The following LMAN2 variants were observed in gnomAD, a reference collection of about 807,000 sequenced individuals.
LMAN2 encodes the protein vesicular integral-membrane protein VIP36.
A neutral mutation model predicts 39.3 loss-of-function variants in LMAN2; 22 were observed. The observed-to-expected ratio is 0.56, with a 90% CI of 0.40 to 0.80. The LOEUF is 0.80. LMAN2 is among the 30% of genes least tolerant of loss of function. The probability of loss-of-function intolerance (pLI) is 0.00; values close to 1 mark genes in which losing one functional copy is unlikely to be tolerated. For missense variants in LMAN2, 494 were observed against 505.4 expected, an observed-to-expected ratio of 0.98 and a Z score of 0.22; for synonymous variants, 207 against 207.8, an observed-to-expected ratio of 1.00 and a Z score of 0.03.
rs763006468 is a variant in LMAN2, at chr5:177,337,429, C to T, written c.609G>A (p.Thr203=). The T allele has an allele frequency of 2.3e-5, 37 of 1,613,486 alleles. No homozygotes were observed. The highest frequency in any genetic ancestry group is 3.3e-5 in the South Asian group (3 of 91,086). The part of the protein sequence containing the change: ...DGRWTELAGC[T]ADFRNRDHDT... ...CGTGATCGCGGTTGCGGAAGTCAGC[C>T]GTGCAGCCCGCCAGCTCGGTCCAGC... Residue 203 remains threonine (T), a synonymous_variant, in exon 5 of 8, where the codon ACG becomes ACA. Coordinates refer to ENST00000303127, the MANE Select transcript of LMAN2 (RefSeq NM_006816.3). This position sits in a 1 kb window ranked among gnomAD's most constrained non-coding sequence, Gnocchi z 8.2.
rs139644514 is a variant in LMAN2 at position 177,336,834 on chromosome 5, G to C, written c.790+302C>G. On this transcript the variant is annotated intron_variant, in intron 6 of 7. Transcript: ENST00000303127. ...AGGGACCGTTCAAGGCCTGAGGCCCGGACAGGCCATTTACAGAAGAAAGGA... is the reference window on the plus strand; with the variant it reads ...AGGGACCGTTCAAGGCCTGAGGCCCCGACAGGCCATTTACAGAAGAAAGGA... 1,255 of 477,492 alleles carry C rather than the reference G, an allele frequency of 2.6e-3. 16 individuals are homozygous for C. In the East Asian group the frequency reaches 0.034, roughly 13 times the overall value. 29.6% of individuals were successfully genotyped at this position (477,492 alleles called of 1,614,324 possible).
chr5:177,351,321 A>G, intron 1 of LMAN2, 30 bp from the exon 2 acceptor site: 2 of 1,612,204 alleles, frequency 1.2e-6, no homozygotes, highest in Non-Finnish European at 1.7e-6. Flanking sequence ...CTAAGAGGCC[A>G]CGCCAGGACT....
intron 2 of LMAN2, among the ~76,000 whole-genome samples, chr5:177,350,721 T>G (rs925120202): frequency 6.6e-5 from 10 of 152,220 alleles, no homozygotes; most frequent in African/African-American, 2.4e-4. Context: ...TTCAAACAGC[T>G]TGTTTGAAAA....
Position 177,337,607 on chromosome 5 carries a change from C to T in LMAN2, c.514-83G>A. ...CACCCACCACCCCAATCCCTGGAGG[C>T]TCCTCTTGTGCTGGGACCATGGAAG... On this transcript the variant is annotated intron_variant, in intron 4 of 7. Coordinates refer to ENST00000303127, the MANE Select transcript of LMAN2 (RefSeq NM_006816.3). The surrounding 1 kb of genome is among the most constrained non-coding windows in gnomAD (Gnocchi z 8.2). 6.2e-7 allele frequency: 1 copy of T among 1,605,062 alleles called. No homozygotes were observed. The highest frequency in any genetic ancestry group is 8.5e-7 in the Non-Finnish European group (1 of 1,174,560).
rs1009847034 is a variant in LMAN2, at chr5:177,337,490, T to A, written c.548A>T (p.Asn183Ile). 6.2e-7 allele frequency: 1 copy of A among 1,613,698 alleles called. No homozygotes were observed. Among genetic ancestry groups the A allele is most frequent in the Non-Finnish European group, 8.5e-7 (1 of 1,179,948 alleles). The change falls in exon 5 of 8, where the codon AAT (asparagine) becomes ATT (isoleucine). Residue 183 changes from asparagine (N) to isoleucine (I), a missense_variant. Transcript: ENST00000303127. This position sits in a 1 kb window ranked among gnomAD's most constrained non-coding sequence, Gnocchi z 8.2. The stretch of plus-strand genomic sequence containing the variant: ...GCTGTGGTCGTAGGACAGGGAGCCA[T>A]TGTTCACCATCACCGAGATGTACGG... ...VFPYISVMVN[N>I]GSLSYDHSKD... is the part of the protein sequence containing the mutation.
Position 177,351,632 on chromosome 5 carries a change from AGCCTTCC to A in LMAN2, c.9_15del (p.Glu4GlyfsTer37). 1 of 1,593,540 alleles carries A rather than the reference AGCCTTCC, an allele frequency of 6.3e-7. No homozygotes were observed. The highest frequency in any genetic ancestry group is 8.5e-7 in the Non-Finnish European group (1 of 1,172,510). ...CGGCCCCAGCCCCAACGCCAAATCC[AGCCTTCC>A]GCCGCCATTCTCCTCTCCTCTCGGC... is the stretch of plus-strand genomic sequence containing the variant. On this transcript the variant is annotated frameshift_variant, in exon 1 of 8. Coordinates refer to ENST00000303127, the MANE Select transcript of LMAN2 (RefSeq NM_006816.3). LOFTEE classifies it high-confidence loss of function.
At chr5:177,335,390 T>G (rs893200080) in intron 6 of LMAN2, among the ~76,000 whole-genome samples, 4 of 152,150 alleles carry the variant, frequency 2.6e-5, no homozygotes, top group African/African-American at 9.7e-5. Context: ...TAAAAATACA[T>G]CAGGTGACAT....
In LMAN2 at chr5:177,332,251, G is replaced by T. The variant is rs751038528; in HGVS notation, c.911-5C>A. 1 of 1,611,436 alleles carries T rather than the reference G, an allele frequency of 6.2e-7. No individual in the cohort carries two copies. The highest frequency in any genetic ancestry group is 8.5e-7 in the Non-Finnish European group (1 of 1,179,314). On this transcript the variant is annotated splice_region_variant and splice_polypyrimidine_tract_variant and intron_variant, in intron 7 of 7. Transcript: ENST00000303127. This position sits in a 1 kb window ranked among gnomAD's most constrained non-coding sequence, Gnocchi z 6.3. ...CCGTGGGGTCGTCCACGTTGTCTGG[G>T]GGAGAAGAAACGGGGGAGCTGAAAC...
intron 2 of LMAN2, among the ~76,000 whole-genome samples, chr5:177,344,281 CTTTT>C (rs59101629): frequency 1.2e-5 from 1 of 82,282 alleles, no homozygotes; most frequent in South Asian, 3.8e-4. Flanking sequence ...CGCTTTGTTA[CTTTT>C]TTTTTTTTTT....
intron 2 of LMAN2, among the ~76,000 whole-genome samples, chr5:177,348,861 G>A (rs1370891879): frequency 2.0e-5 from 3 of 147,192 alleles, no homozygotes; most frequent in Non-Finnish European, 4.5e-5. Flanking sequence ...TCCAGCCTGG[G>A]TGACAGAACA....
intron 2 of LMAN2, among the ~76,000 whole-genome samples, chr5:177,342,071 C>T (rs1039048700): frequency 1.3e-5 from 2 of 151,754 alleles, no homozygotes. Flanking sequence ...CAGATTAAAC[C>T]CAAATGTATC....
chr5:177,345,318 G>T (rs577224870), intron 2 of LMAN2, among the ~76,000 whole-genome samples: 1 of 130,820 alleles, frequency 7.6e-6, no homozygotes, highest in Admixed American at 8.3e-5. Context: ...TCCAGCCTAG[G>T]TGACAGATTA....
At position 177,337,073 on chromosome 5, in the gene LMAN2, G is replaced by C; in HGVS notation, c.790+63C>G. ...ATGAAGGCAGGCAATCAACTGCATG[G>C]AAAGCTCCCAGTCCCTCAGGGTGAG... On this transcript the variant is annotated intron_variant, in intron 6 of 7. Coordinates refer to ENST00000303127, the MANE Select transcript of LMAN2 (RefSeq NM_006816.3). This position sits in a 1 kb window ranked among gnomAD's most constrained non-coding sequence, Gnocchi z 8.2. 1 of 1,257,436 alleles carries C rather than the reference G, an allele frequency of 8.0e-7. No individual in the cohort carries two copies. The highest frequency in any genetic ancestry group is 1.1e-6 in the Non-Finnish European group (1 of 870,630). The allele number at this position is 1,257,436 out of a possible 1,614,324, so 77.9% of individuals were successfully genotyped here.
Position 177,351,653 on chromosome 5 carries a change from T to C in LMAN2, c.-6A>G, listed in dbSNP as rs1012410672. On this transcript the variant is annotated 5_prime_UTR_variant, in exon 1 of 8. Transcript: ENST00000303127. The stretch of plus-strand genomic sequence containing the variant: ...ATCCAGCCTTCCGCCGCCATTCTCC[T>C]CTCCTCTCGGCCACTTCCGCCCTAG... The C allele has an allele frequency of 6.3e-7, 1 of 1,581,178 alleles. No individual in the cohort carries two copies. Among genetic ancestry groups the C allele is most frequent in the Non-Finnish European group, 8.6e-7 (1 of 1,166,588 alleles).
Position 177,331,961 on chromosome 5 carries a change from A to G in LMAN2, c.*125T>C, listed in dbSNP as rs1761390997. ...GGCAAGAAGCAAAATGTATGAAAAT[A>G]CTTTAATCATTTATTTGAAACAGTT... On this transcript the variant is annotated 3_prime_UTR_variant, in exon 8 of 8. Coordinates refer to ENST00000303127, the MANE Select transcript of LMAN2 (RefSeq NM_006816.3). The G allele has an allele frequency of 8.7e-7, 1 of 1,145,228 alleles. No individual in the cohort carries two copies. Among genetic ancestry groups the G allele is most frequent in the Non-Finnish European group, 1.2e-6 (1 of 831,964 alleles). 70.9% of individuals were successfully genotyped at this position (1,145,228 alleles called of 1,614,324 possible).
chr5:177,348,560 C>T (rs984007936), intron 2 of LMAN2, among the ~76,000 whole-genome samples: 2 of 151,826 alleles, frequency 1.3e-5, no homozygotes, highest in African/African-American at 4.8e-5. Flanking sequence ...TGGCAGTGCG[C>T]GCCTGTAATC....
intron 7 of LMAN2, 143 bp downstream of exon 7, chr5:177,334,141 C>T (rs1023915274): frequency 1.0e-4 from 139 of 1,385,438 alleles, no homozygotes; most frequent in Admixed American, 5.1e-5. Context: ...CAGCCAGTGC[C>T]GCTTGCCAGG....
At position 177,332,293 on chromosome 5, in the gene LMAN2, G is replaced by T. The variant is rs747046156; in HGVS notation, c.911-47C>A. 3 of 1,576,894 alleles carry T rather than the reference G, an allele frequency of 1.9e-6. No homozygotes were observed. The Middle Eastern group carries it at 5.9e-4, about 309-fold the overall frequency. On this transcript the variant is annotated intron_variant, in intron 7 of 7. Transcript: ENST00000303127. This position sits in a 1 kb window ranked among gnomAD's most constrained non-coding sequence, Gnocchi z 6.3. ...AGCTGAAACGGCAGCACGGGCCGGG[G>T]ATCAGGGGGCTGCAGGAGGGCAGTG...
In LMAN2 at chr5:177,332,336, C is replaced by G; in HGVS notation, c.911-90G>C. On this transcript the variant is annotated intron_variant, in intron 7 of 7. Transcript: ENST00000303127. The surrounding 1 kb of genome is among the most constrained non-coding windows in gnomAD (Gnocchi z 6.3). ...GGGCAGTGGGGATGGAACAGGACAGCCGGCCACGGTGGGCAGGCCGGTCGT... is the reference window on the plus strand; with the variant it reads ...GGGCAGTGGGGATGGAACAGGACAGGCGGCCACGGTGGGCAGGCCGGTCGT... 3.2e-6 allele frequency: 4 copies of G among 1,265,704 alleles called. No individual in the cohort carries two copies. Among genetic ancestry groups the G allele is most frequent in the South Asian group, 1.4e-5 (1 of 73,992 alleles). The allele number at this position is 1,265,704 out of a possible 1,614,324, so 78.4% of individuals were successfully genotyped here. A position where few individuals can be genotyped will look rare whatever the true frequency, so the allele number is the denominator to read the frequency against.
Sources: allele counts gnomAD v4.1 joint callset (sites outside exome capture counted in the v4.1 genomes callset), GRCh38; gene constraint gnomAD v4.1.1; non-coding constraint Gnocchi (gnomAD v3.1); transcripts MANE v1.5; gene names NCBI Gene and HGNC (gene_info 2026-07-23, HGNC 2026-07-21).